Variants in PATJ observed in about 807,000 individuals in gnomAD.
PATJ encodes the protein PATJ crumbs cell polarity complex component, also known as inaD-like protein.
In PATJ, 190 loss-of-function variants were observed where a neutral mutation model predicts 224.9. The ratio of observed to expected loss-of-function variants is 0.84; its 90% CI spans 0.75 to 0.95. The LOEUF (loss-of-function observed/expected upper bound fraction) is 0.95, where lower values mean the gene tolerates loss of function less well. Ranked by LOEUF, PATJ falls within the 40% of genes least tolerant of loss-of-function variation. PATJ has a pLI of 0.00. For missense variants in PATJ, 2,121 were observed against 2,270.3 expected (o/e 0.93, Z 1.34); for synonymous variants, 769 against 820.3 (o/e 0.94, Z 1.07).
intron 4 of PATJ, among the ~76,000 whole-genome samples, chr1:61,768,100 G>T (rs937343653): frequency 6.6e-6 from 1 of 152,108 alleles, no homozygotes; most frequent in African/African-American, 2.4e-5. Context: ...CACAAGAACA[G>T]TTCTACCTGT....
At chr1:62,031,902 C>T (rs940099158) in intron 29 of PATJ, among the ~76,000 whole-genome samples, 12 of 152,132 alleles carry the variant, frequency 7.9e-5, no homozygotes, top group Admixed American at 7.9e-4. Context: ...ACAATGGTAC[C>T]TGGTAAGCGG....
chr1:62,153,111 T>C (rs2149046840), intron 42 of PATJ, among the ~76,000 whole-genome samples: 1 of 152,336 alleles, frequency 6.6e-6, no homozygotes. Context: ...ACTTTATCTT[T>C]AATTAGCAAT....
At chr1:62,135,244 T>C (rs10889288) in intron 41 of PATJ, among the ~76,000 whole-genome samples, 93,250 of 151,846 alleles carry the variant, frequency 0.61, 28,945 homozygotes, top group East Asian at 0.73. Flanking sequence ...AGGCCAGGTG[T>C]GGTGGCTCAC....
At chr1:62,007,959 CA>C in intron 28 of PATJ, among the ~76,000 whole-genome samples, 1 of 152,078 alleles carries the variant, frequency 6.6e-6, no homozygotes. Context: ...ATAGCTTCAC[CA>C]AAAAAGTAGA....
At chr1:62,070,136 T>C (rs1363005072) in intron 31 of PATJ, among the ~76,000 whole-genome samples, 4 of 152,002 alleles carry the variant, frequency 2.6e-5, no homozygotes, top group African/African-American at 7.3e-5. Flanking sequence ...CAAGGTCGAA[T>C]TGCAGATCTA....
At chr1:62,043,284 G>C (rs1341432992) in intron 30 of PATJ, among the ~76,000 whole-genome samples, 1 of 152,178 alleles carries the variant, frequency 6.6e-6, no homozygotes, top group East Asian at 1.9e-4. Context: ...TGCAGTGCTT[G>C]TGGTAATTAT....
At position 61,965,121 on chromosome 1, in the gene PATJ, C is replaced by CAAAAAAAAAAAAAAAAAAAAA. The variant is rs34267345; in HGVS notation, c.3671-25027_3671-25007dup. 2.9e-4 allele frequency among the ~76,000 whole-genome samples: 16 copies of CAAAAAAAAAAAAAAAAAAAAA among 54,384 alleles called. 1 individual carries two copies. Among genetic ancestry groups the CAAAAAAAAAAAAAAAAAAAAA allele is most frequent in the Middle Eastern group, 0.013 (1 of 76 alleles). The allele number at this position is 54,384 out of a possible 152,430, so 35.7% of individuals were successfully genotyped here. On this transcript the variant is annotated intron_variant, in intron 27 of 43. Coordinates refer to ENST00000642238, the MANE Select transcript of PATJ (RefSeq NM_001350145.3). ...TGGGCCACTGAAGGAGACTCTGTCT[C>CAAAAAAAAAAAAAAAAAAAAA]AAAAAAAAAAAAAAAAAAAAAAAAA...
intron 5 of PATJ, among the ~76,000 whole-genome samples, chr1:61,770,370 T>G (rs1405984131): frequency 2.0e-5 from 3 of 152,144 alleles, no homozygotes; most frequent in Non-Finnish European, 4.4e-5. Flanking sequence ...CACTTTAACA[T>G]AAGAAGTTCA....
chr1:62,037,734 A>G (rs1413759633), intron 29 of PATJ, among the ~76,000 whole-genome samples: 1 of 152,180 alleles, frequency 6.6e-6, no homozygotes, highest in Non-Finnish European at 1.5e-5. Flanking sequence ...AACTCCTAGC[A>G]TCATCACTCT....
At chr1:61,887,465 A>T (rs760449788) in intron 22 of PATJ, among the ~76,000 whole-genome samples, 17 of 152,236 alleles carry the variant, frequency 1.1e-4, no homozygotes, top group Non-Finnish European at 2.2e-4. Context: ...GTGTTGGAGC[A>T]GAGATTAGCT....
chr1:61,872,642 A>G (rs1318501025), intron 20 of PATJ, among the ~76,000 whole-genome samples: 2 of 152,196 alleles, frequency 1.3e-5, no homozygotes, highest in Non-Finnish European at 2.9e-5. Flanking sequence ...CAAGGCACCA[A>G]CATGTCTACA....
chr1:62,013,419 A>C (rs1245648664), intron 28 of PATJ: 1 of 985,246 alleles, frequency 1.0e-6, no homozygotes, highest in Non-Finnish European at 1.2e-6. Context: ...TCAGGACTGC[A>C]ACTCAGCACA....
At chr1:61,905,297 CTT>C (rs1182426220) in intron 24 of PATJ, among the ~76,000 whole-genome samples, 2 of 152,204 alleles carry the variant, frequency 1.3e-5, no homozygotes, top group Non-Finnish European at 2.9e-5. Context: ...TCTTGGGTCT[CTT>C]TTATAAGGCC....
chr1:61,869,501 A>T (rs1000743819), intron 20 of PATJ, among the ~76,000 whole-genome samples: 1 of 152,116 alleles, frequency 6.6e-6, no homozygotes, highest in Non-Finnish European at 1.5e-5. Flanking sequence ...ACCCACCTCA[A>T]GAGGGAATGT....
intron 29 of PATJ, among the ~76,000 whole-genome samples, chr1:62,034,603 C>G (rs970205099): frequency 2.0e-5 from 3 of 152,158 alleles, no homozygotes; most frequent in Non-Finnish European, 4.4e-5. Context: ...CGTCTTCCTA[C>G]TTTTCTCTTT....
At chr1:61,906,118 G>A (rs1023175326) in intron 24 of PATJ, among the ~76,000 whole-genome samples, 3 of 152,136 alleles carry the variant, frequency 2.0e-5, no homozygotes, top group African/African-American at 7.2e-5. Context: ...GGGCAGCTCA[G>A]AGAAACACAT....
Position 61,833,663 on chromosome 1 carries a change from A to G in PATJ, c.1990A>G (p.Asn664Asp). ...TTCTTTGGTATTTCAGGTTGACCAC[A>G]ATATGGATGTCAATACTGAAGAAGA... ...TSLPETEVDH[N>D]MDVNTEEDDD... Residue 664 changes from asparagine (N) to aspartate (D), a missense_variant, in exon 17 of 44, where the codon AAT becomes GAT. Physicochemically the swap from Asn to Asp is conservative, Grantham distance 23. Transcript: ENST00000642238. 6.2e-7 allele frequency: 1 copy of G among 1,611,778 alleles called. No individual in the cohort carries two copies. Among genetic ancestry groups the G allele is most frequent in the Non-Finnish European group, 8.5e-7 (1 of 1,179,052 alleles).
At chr1:61,798,084 G>T (rs141016170) in intron 11 of PATJ, among the ~76,000 whole-genome samples, 1 of 152,190 alleles carries the variant, frequency 6.6e-6, no homozygotes. Flanking sequence ...GTAATTACAC[G>T]TGTGAGCCAC....
chr1:62,038,812 G>T (rs999310259), intron 30 of PATJ: 1 of 651,392 alleles, frequency 1.5e-6, no homozygotes, highest in Non-Finnish European at 2.9e-6. Context: ...ACGTGTTCAG[G>T]GTTCTGGGCC....
Sources: allele counts gnomAD v4.1 joint callset (sites outside exome capture counted in the v4.1 genomes callset), GRCh38; gene constraint gnomAD v4.1.1; transcripts MANE v1.5; gene names NCBI Gene and HGNC (gene_info 2026-07-23, HGNC 2026-07-21).